Variants in HS6ST3 observed in about 807,000 individuals in gnomAD.
HS6ST3 encodes heparan sulfate 6-O-sulfotransferase 3, also known as heparan-sulfate 6-O-sulfotransferase 3.
A neutral mutation model predicts 36.7 loss-of-function variants in HS6ST3; 12 were observed. That is an observed-to-expected ratio of 0.33 (90% CI 0.21 to 0.53). The LOEUF is 0.53. HS6ST3 is among the 20% of genes least tolerant of loss of function. HS6ST3 has a pLI of 0.95. For missense variants in HS6ST3, 584 were observed against 640.9 expected (o/e 0.91, Z 0.96); for synonymous variants, 240 against 257.5 (o/e 0.93, Z 0.65).
rs9582045 is a variant in HS6ST3 at position 96,360,862 on chromosome 13, A to G, written c.707+269293A>G. ...CTTGGAAACTGAGGCAGGAGAATAC[A>G]TTGAACTTGGGAGGCGGAGGTTGCA... On this transcript the variant is annotated intron_variant, in intron 1 of 1. Coordinates refer to ENST00000376705, the MANE Select transcript of HS6ST3 (RefSeq NM_153456.4). 4.1e-3 allele frequency among the ~76,000 whole-genome samples: 615 copies of G among 150,450 alleles called. 4 individuals are homozygous for G. The highest frequency in any genetic ancestry group is 0.014 in the African/African-American group (586 of 40,806).
intron 1 of HS6ST3, among the ~76,000 whole-genome samples, chr13:96,795,446 T>C (rs1314502658): frequency 1.3e-5 from 2 of 152,086 alleles, no homozygotes; most frequent in Non-Finnish European, 2.9e-5. Context: ...GTTATATAAC[T>C]TTCCCAAGGC....
chr13:96,457,884 G>T (rs543704628), intron 1 of HS6ST3, among the ~76,000 whole-genome samples: 1 of 151,758 alleles, frequency 6.6e-6, no homozygotes, highest in African/African-American at 2.4e-5. Flanking sequence ...TTACAATCAT[G>T]TCACCTGTTT....
At chr13:96,671,834 C>T (rs977975335) in intron 1 of HS6ST3, among the ~76,000 whole-genome samples, 1 of 152,092 alleles carries the variant, frequency 6.6e-6, no homozygotes, top group African/African-American at 2.4e-5. Context: ...GTTAAGACCT[C>T]AGCATATGAG....
At chr13:96,765,628 CTG>C (rs1166429264) in intron 1 of HS6ST3, among the ~76,000 whole-genome samples, 6 of 145,866 alleles carry the variant, frequency 4.1e-5, no homozygotes, top group African/African-American at 1.0e-4. Flanking sequence ...CTCTCTCTCT[CTG>C]TTTCTGTCTC....
chr13:96,673,817 G>A (rs1443842836), intron 1 of HS6ST3, among the ~76,000 whole-genome samples: 3 of 151,880 alleles, frequency 2.0e-5, no homozygotes, highest in African/African-American at 4.8e-5. Context: ...CTTGTTTCAC[G>A]ACCACAGTAT....
intron 1 of HS6ST3, among the ~76,000 whole-genome samples, chr13:96,145,554 C>A (rs541638677): frequency 1.3e-5 from 2 of 151,944 alleles, no homozygotes; most frequent in African/African-American, 2.4e-5. Context: ...TGGATATTAG[C>A]CCTTTGTCAG....
chr13:96,510,011 G>A (rs2056042694), intron 1 of HS6ST3, among the ~76,000 whole-genome samples: 1 of 151,992 alleles, frequency 6.6e-6, no homozygotes, highest in African/African-American at 2.4e-5. Context: ...TGTCATCTAT[G>A]ATTTATTTCA....
chr13:96,704,187 G>C (rs1304435950), intron 1 of HS6ST3, among the ~76,000 whole-genome samples: 2 of 152,144 alleles, frequency 1.3e-5, no homozygotes, highest in Non-Finnish European at 2.9e-5. Flanking sequence ...AAATCAATGG[G>C]TCATAATATC....
intron 1 of HS6ST3, among the ~76,000 whole-genome samples, chr13:96,240,689 A>G (rs1355533650): frequency 1.3e-5 from 2 of 152,214 alleles, no homozygotes; most frequent in Non-Finnish European, 2.9e-5. Flanking sequence ...CTAAGAAGAC[A>G]TTGGCAGTGC....
chr13:96,247,601 T>C (rs1015781738), intron 1 of HS6ST3, among the ~76,000 whole-genome samples: 1 of 152,152 alleles, frequency 6.6e-6, no homozygotes, highest in Non-Finnish European at 1.5e-5. Context: ...TAAGCTTCTT[T>C]CCTTTATAAA....
chr13:96,341,149 C>A (rs1035034671), intron 1 of HS6ST3, among the ~76,000 whole-genome samples: 5 of 152,140 alleles, frequency 3.3e-5, no homozygotes, highest in Admixed American at 2.6e-4. Flanking sequence ...CTTTTAAAGA[C>A]ATTTACAGTG....
chr13:96,648,674 C>G (rs572745508), intron 1 of HS6ST3, among the ~76,000 whole-genome samples: 4 of 151,814 alleles, frequency 2.6e-5, no homozygotes, highest in Non-Finnish European at 5.9e-5. Flanking sequence ...ACAACAGGCC[C>G]CAGTCTGTGT....
intron 1 of HS6ST3, among the ~76,000 whole-genome samples, chr13:96,503,747 T>C (rs1184495939): frequency 6.6e-6 from 1 of 152,246 alleles, no homozygotes; most frequent in Non-Finnish European, 1.5e-5. Context: ...ACTTTAAGTC[T>C]ATGAACACAC....
chr13:96,513,231 T>C (rs1404754531), intron 1 of HS6ST3, among the ~76,000 whole-genome samples: 1 of 152,110 alleles, frequency 6.6e-6, no homozygotes, highest in Non-Finnish European at 1.5e-5. Context: ...TCCAGTGACT[T>C]TCCACAATAT....
intron 1 of HS6ST3, among the ~76,000 whole-genome samples, chr13:96,506,250 T>C (rs546943377): frequency 4.6e-5 from 7 of 152,240 alleles, no homozygotes; most frequent in Admixed American, 2.0e-4. Context: ...CTCACTACTT[T>C]TAATTATTTT....
chr13:96,786,638 T>G (rs1467711858), intron 1 of HS6ST3, among the ~76,000 whole-genome samples: 1 of 152,192 alleles, frequency 6.6e-6, no homozygotes, highest in African/African-American at 2.4e-5. Context: ...CAAAACGCAT[T>G]TGCTTGAATA....
chr13:96,184,221 A>AAGAG (rs1555389927), intron 1 of HS6ST3, among the ~76,000 whole-genome samples: 21,838 of 60,050 alleles, frequency 0.36, 2,616 homozygotes, highest in Non-Finnish European at 0.41. Context: ...AAAAAAAAAA[A>AAGAG]AGAGAGAGAG....
At chr13:96,823,257 C>T (rs532490968) in intron 1 of HS6ST3, among the ~76,000 whole-genome samples, 1 of 152,326 alleles carries the variant, frequency 6.6e-6, no homozygotes, top group South Asian at 2.1e-4. Context: ...GAATTCTACT[C>T]CTAGGAATTT....
chr13:96,262,868 A>G (rs574235756), intron 1 of HS6ST3, among the ~76,000 whole-genome samples: 139 of 152,268 alleles, frequency 9.1e-4, no homozygotes, highest in African/African-American at 3.1e-3. Context: ...TATTTATATT[A>G]TTAAGTATGA....
Sources: allele counts gnomAD v4.1 joint callset (sites outside exome capture counted in the v4.1 genomes callset), GRCh38; gene constraint gnomAD v4.1.1; transcripts MANE v1.5; gene names NCBI Gene and HGNC (gene_info 2026-07-23, HGNC 2026-07-21).